The following FBXW7 variants were observed in gnomAD, a reference collection of about 807,000 sequenced individuals.
FBXW7 encodes F-box and WD repeat domain containing 7.
FBXW7 carries 11 observed loss-of-function variants against 86.3 expected under a neutral mutation model. The ratio of observed to expected loss-of-function variants is 0.13; its 90% CI spans 0.08 to 0.21. The LOEUF (loss-of-function observed/expected upper bound fraction) is 0.21. Among genes scored for constraint, FBXW7 ranks in the 10% least tolerant of loss-of-function variants. The probability of loss-of-function intolerance (pLI) is 1.00; values close to 1 mark genes in which losing one functional copy is unlikely to be tolerated. For missense variants in FBXW7, 488 were observed against 847.4 expected (o/e 0.58, Z 5.27); for synonymous variants, 313 against 297.9 (o/e 1.05, Z -0.52).
chr4:152,332,056 T>C (rs139326941), intron 8 of FBXW7, among the ~76,000 whole-genome samples: 37 of 152,124 alleles, frequency 2.4e-4, no homozygotes, highest in Middle Eastern at 3.4e-3. Flanking sequence ...ATAGTATTTT[T>C]ATATTTTTTC....
intron 4 of FBXW7, among the ~76,000 whole-genome samples, chr4:152,396,583 AG>A (rs1444932471): frequency 6.6e-6 from 1 of 152,096 alleles, no homozygotes; most frequent in Admixed American, 6.6e-5. Context: ...CACTCAAAGA[AG>A]GAGTCCATGT....
At chr4:152,365,221 G>A (rs982151097) in intron 4 of FBXW7, among the ~76,000 whole-genome samples, 1 of 152,142 alleles carries the variant, frequency 6.6e-6, no homozygotes, top group African/African-American at 2.4e-5. Context: ...GCAGGTGTAA[G>A]ATGAGGCTGA....
At chr4:152,443,428 A>G (rs1741085962) in intron 2 of FBXW7, among the ~76,000 whole-genome samples, 1 of 152,330 alleles carries the variant, frequency 6.6e-6, no homozygotes, top group East Asian at 1.9e-4. Flanking sequence ...AAAATACAGT[A>G]ATATTTTAAA....
At chr4:152,324,155 G>T (rs2126474538) in intron 13 of FBXW7, 29 bp downstream of exon 13, 1 of 1,557,882 alleles carries the variant, frequency 6.4e-7, no homozygotes, top group Admixed American at 1.7e-5. Context: ...CATTTTTAAT[G>T]AACAAAACGA....
At chr4:152,410,328 A>G (rs1208004551) in intron 4 of FBXW7, among the ~76,000 whole-genome samples, 1 of 152,176 alleles carries the variant, frequency 6.6e-6, no homozygotes, top group African/African-American at 2.4e-5. Flanking sequence ...AAAAGGTCTG[A>G]GCCTTAACAA....
intron 4 of FBXW7, among the ~76,000 whole-genome samples, chr4:152,356,922 T>C (rs1244466377): frequency 6.6e-6 from 1 of 152,224 alleles, no homozygotes; most frequent in Admixed American, 6.6e-5. Flanking sequence ...GAATATTATA[T>C]ACATCAATTG....
chr4:152,325,811 G>C (rs1728963847), intron 12 of FBXW7, 195 bp downstream of exon 12: 2 of 522,508 alleles, frequency 3.8e-6, no homozygotes, highest in East Asian at 5.8e-5. Flanking sequence ...ATAGATCACA[G>C]AAAATTGAAA....
At chr4:152,512,071 T>C (rs1000803382) in intron 2 of FBXW7, among the ~76,000 whole-genome samples, 3 of 152,186 alleles carry the variant, frequency 2.0e-5, no homozygotes, top group Non-Finnish European at 2.9e-5. Flanking sequence ...TATATGAAAC[T>C]AAATATTTCT....
intron 4 of FBXW7, among the ~76,000 whole-genome samples, chr4:152,370,637 C>T (rs2126734558): frequency 6.6e-6 from 1 of 152,038 alleles, no homozygotes; most frequent in East Asian, 1.9e-4. Context: ...GGAGGTGCTA[C>T]TTTCAATGGC....
At chr4:152,324,424 A>C (rs1728817758) in intron 12 of FBXW7, 30 bp from the exon 13 acceptor site, 3 of 1,507,466 alleles carry the variant, frequency 2.0e-6, no homozygotes, top group African/African-American at 2.8e-5. Flanking sequence ...TTAGAATAGA[A>C]GTATGGATAC....
intron 4 of FBXW7, among the ~76,000 whole-genome samples, chr4:152,358,203 T>C (rs1268729073): frequency 1.3e-5 from 2 of 152,152 alleles, no homozygotes; most frequent in Admixed American, 1.3e-4. Context: ...AAATGTAAGT[T>C]TGACTTCAAG....
intron 4 of FBXW7, among the ~76,000 whole-genome samples, chr4:152,394,498 T>C (rs759484551): frequency 6.6e-6 from 1 of 152,036 alleles, no homozygotes; most frequent in Non-Finnish European, 1.5e-5. Flanking sequence ...AGTAACAAAA[T>C]GTGCAATATC....
intron 2 of FBXW7, among the ~76,000 whole-genome samples, chr4:152,459,613 C>G (rs972828263): frequency 1.7e-4 from 26 of 152,146 alleles, no homozygotes; most frequent in Admixed American, 1.6e-3. Flanking sequence ...ACTAGTCCCC[C>G]ACTTATCCAC....
intron 2 of FBXW7, among the ~76,000 whole-genome samples, chr4:152,485,450 A>G (rs1745255558): frequency 1.3e-5 from 2 of 152,178 alleles, no homozygotes; most frequent in Admixed American, 1.3e-4. Context: ...TATATCATGT[A>G]TAAGACAGAG....
rs1282774519 is a variant in FBXW7 at position 152,535,935 on chromosome 4, G to A, written c.-1021C>T. 10 of 315,660 alleles carry A rather than the reference G, an allele frequency of 3.2e-5. No homozygotes were observed. The allele number at this position is 315,660 out of a possible 1,614,324, so 19.6% of individuals were successfully genotyped here. A position where few individuals can be genotyped will look rare whatever the true frequency, so the allele number is the denominator to read the frequency against. On this transcript the variant is annotated 5_prime_UTR_variant, in exon 1 of 14. Transcript: ENST00000281708. ...TCCCGCTGGCCCAGGTGAGAGCGAA[G>A]GTCTCGGCGGCGGCCAGTGCAGGGG...
chr4:152,518,028 G>A lies in FBXW7; in HGVS notation c.-120+16913C>T, dbSNP rs985221217. ...CTTCAAGACAAAGTCTCGCTGTGTC[G>A]CCCAGGCTGGAGTGCAATGGTGCAA... On this transcript the variant is annotated intron_variant, in intron 2 of 13. Coordinates refer to ENST00000281708, the MANE Select transcript of FBXW7 (RefSeq NM_001349798.2). 4.6e-5 allele frequency among the ~76,000 whole-genome samples: 7 copies of A among 151,570 alleles called. No homozygotes were observed. In the South Asian group the frequency reaches 6.3e-4, roughly 14 times the overall value.
In FBXW7 at chr4:152,411,531, G is replaced by A. The variant is rs757512792; in HGVS notation, c.273C>T (p.Ser91=). 5.6e-6 allele frequency: 9 copies of A among 1,613,782 alleles called. No individual in the cohort carries two copies. Among genetic ancestry groups the A allele is most frequent in the Non-Finnish European group, 7.6e-6 (9 of 1,179,910 alleles). The change falls in exon 4 of 14, where the codon TCC becomes TCT. Residue 91 remains serine (S), a synonymous_variant. Coordinates refer to ENST00000281708, the MANE Select transcript of FBXW7 (RefSeq NM_001349798.2). ...CCTCTTGTTCTTCTTGGTTTCCTGA[G>A]GAGTCCTCATCTACCGAAATAAATC... The part of the protein sequence containing the change: ...NNRFISVDED[S]SGNQEEQEED...
At chr4:152,437,105 G>T (rs1740451248) in intron 2 of FBXW7, among the ~76,000 whole-genome samples, 1 of 152,186 alleles carries the variant, frequency 6.6e-6, no homozygotes, top group Non-Finnish European at 1.5e-5. Context: ...AAAGTAAATT[G>T]AAAACCTTTT....
intron 2 of FBXW7, among the ~76,000 whole-genome samples, chr4:152,432,388 A>G (rs1047544573): frequency 1.3e-5 from 2 of 152,268 alleles, no homozygotes; most frequent in Non-Finnish European, 2.9e-5. Context: ...AGTTACAGAC[A>G]GAGATGTTTT....
Sources: gnomAD v4.1 joint callset for allele counts (sites outside exome capture counted in the v4.1 genomes callset) on GRCh38, gnomAD v4.1.1 for gene constraint, MANE v1.5 for transcripts, NCBI Gene and HGNC (gene_info 2026-07-23, HGNC 2026-07-21) for gene names.